The following SYK variants were observed in gnomAD, a reference collection of about 807,000 sequenced individuals.
SYK encodes spleen associated tyrosine kinase, also known as tyrosine-protein kinase SYK.
A neutral mutation model predicts 77.8 loss-of-function variants in SYK; 16 were observed. The observed-to-expected ratio is 0.21, with a 90% CI of 0.14 to 0.31. The LOEUF (loss-of-function observed/expected upper bound fraction) is 0.31. Among genes scored for constraint, SYK ranks in the 10% least tolerant of loss-of-function variants. The pLI, the probability that SYK is intolerant of heterozygous loss-of-function variation, is 1.00. For missense variants in SYK, 529 were observed against 814.4 expected, an observed-to-expected ratio of 0.65 and a Z score of 4.26; for synonymous variants, 312 against 308.7, an observed-to-expected ratio of 1.01 and a Z score of -0.11.
chr9:90,815,591 C>A (rs774502787), intron 1 of SYK, among the ~76,000 whole-genome samples: 5 of 152,274 alleles, frequency 3.3e-5, no homozygotes, highest in Non-Finnish European at 5.9e-5. Context: ...CGCCCCACCA[C>A]CAGCACTCAG....
intron 6 of SYK, 96 bp from the exon 7 acceptor site, chr9:90,867,035 G>T (rs1015326845): frequency 5.0e-6 from 7 of 1,386,486 alleles, no homozygotes; most frequent in African/African-American, 1.4e-5. Flanking sequence ...TTAGTGGTGC[G>T]ATTATAGAAG....
At chr9:90,842,319 G>T (rs575759296) in intron 1 of SYK, among the ~76,000 whole-genome samples, 1 of 151,116 alleles carries the variant, frequency 6.6e-6, no homozygotes, top group African/African-American at 2.4e-5. Context: ...TATGGAGTGT[G>T]TGTGTGTGGT....
chr9:90,820,064 A>G (rs1431969469), intron 1 of SYK, among the ~76,000 whole-genome samples: 1 of 152,250 alleles, frequency 6.6e-6, no homozygotes, highest in Non-Finnish European at 1.5e-5. Context: ...CTTTGACTCC[A>G]GGTCACACAG....
At chr9:90,882,526 T>C (rs1482386740) in intron 11 of SYK, among the ~76,000 whole-genome samples, 1 of 152,250 alleles carries the variant, frequency 6.6e-6, no homozygotes, top group Non-Finnish European at 1.5e-5. Context: ...GAGAGGGTTT[T>C]GCTATGCAGT....
At chr9:90,851,362 G>A (rs1181218752) in intron 3 of SYK, among the ~76,000 whole-genome samples, 1 of 152,200 alleles carries the variant, frequency 6.6e-6, no homozygotes, top group African/African-American at 2.4e-5. Context: ...CTTTGAGAAG[G>A]TAGTTACAGG....
intron 1 of SYK, among the ~76,000 whole-genome samples, chr9:90,843,217 G>A (rs887283098): frequency 1.3e-5 from 2 of 152,172 alleles, no homozygotes; most frequent in African/African-American, 4.8e-5. Flanking sequence ...GCAGTGGCTT[G>A]TTGCTATCAT....
chr9:90,839,360 G>A (rs1826207695), intron 1 of SYK, among the ~76,000 whole-genome samples: 1 of 152,164 alleles, frequency 6.6e-6, no homozygotes, highest in Non-Finnish European at 1.5e-5. Flanking sequence ...AGGGCCATCA[G>A]CCACATCGGT....
intron 5 of SYK, 28 bp downstream of exon 5, chr9:90,864,695 G>T (rs1011429250): frequency 1.3e-6 from 2 of 1,594,064 alleles, no homozygotes; most frequent in Non-Finnish European, 1.7e-6. Context: ...TGGAGTCTCA[G>T]TGTTTGAGGT....
intron 13 of SYK, among the ~76,000 whole-genome samples, chr9:90,893,530 C>CT (rs1828874722): frequency 6.6e-6 from 1 of 152,064 alleles, no homozygotes; most frequent in African/African-American, 2.4e-5. Context: ...GAAATAGTCT[C>CT]ATTAGCACAA....
At chr9:90,855,187 A>G (rs1477839868) in intron 3 of SYK, among the ~76,000 whole-genome samples, 1 of 152,182 alleles carries the variant, frequency 6.6e-6, no homozygotes, top group African/African-American at 2.4e-5. Flanking sequence ...TGTCTTTAGG[A>G]ACTGTCTCAA....
At chr9:90,891,207 G>A (rs1828778302) in intron 13 of SYK, among the ~76,000 whole-genome samples, 1 of 147,634 alleles carries the variant, frequency 6.8e-6, no homozygotes, top group African/African-American at 2.5e-5. Context: ...GTGCAGTGGC[G>A]CGATCTGGGC....
At chr9:90,850,729 T>G (rs1392054210) in intron 3 of SYK, among the ~76,000 whole-genome samples, 1 of 151,160 alleles carries the variant, frequency 6.6e-6, no homozygotes, top group Admixed American at 6.6e-5. Flanking sequence ...TGAGAATCGC[T>G]TTACGTGGAA....
At chr9:90,846,497 C>T (rs1564090976) in intron 3 of SYK, among the ~76,000 whole-genome samples, 2 of 152,278 alleles carry the variant, frequency 1.3e-5, no homozygotes, top group East Asian at 3.9e-4. Context: ...ACTTCACTGT[C>T]ATACCTTGTA....
chr9:90,884,360 T>TATATACAC (rs1828335118), intron 11 of SYK, among the ~76,000 whole-genome samples: 8 of 140,606 alleles, frequency 5.7e-5, no homozygotes, highest in Non-Finnish European at 9.1e-5. Context: ...CATACGTGTA[T>TATATACAC]ACATACATAC....
intron 1 of SYK, among the ~76,000 whole-genome samples, chr9:90,808,641 G>C (rs1283563302): frequency 6.6e-6 from 1 of 152,032 alleles, no homozygotes; most frequent in Non-Finnish European, 1.5e-5. Flanking sequence ...GTATGGCCAT[G>C]CCTTCCCTAT....
chr9:90,863,846 G>A (rs922014253), intron 4 of SYK, among the ~76,000 whole-genome samples: 7 of 152,244 alleles, frequency 4.6e-5, no homozygotes, highest in East Asian at 1.9e-4. Flanking sequence ...TGTGTGTGGC[G>A]TTCTGTCACC....
intron 1 of SYK, among the ~76,000 whole-genome samples, chr9:90,841,825 T>C (rs1042437662): frequency 6.8e-6 from 1 of 148,008 alleles, no homozygotes; most frequent in African/African-American, 2.5e-5. Context: ...ATGTGGTGTG[T>C]ATGTAGTTTG....
chr9:90,812,924 C>T (rs183911837), intron 1 of SYK, among the ~76,000 whole-genome samples: 6 of 152,148 alleles, frequency 3.9e-5, no homozygotes, highest in Admixed American at 3.3e-4. Context: ...GCATTCTCAG[C>T]GTGCAACTGT....
intron 1 of SYK, among the ~76,000 whole-genome samples, chr9:90,812,449 G>A (rs1005518762): frequency 6.6e-6 from 1 of 152,152 alleles, no homozygotes; most frequent in African/African-American, 2.4e-5. Context: ...TGTCACTCAG[G>A]TCCTGAAGCC....
Sources: allele counts gnomAD v4.1 joint callset (sites outside exome capture counted in the v4.1 genomes callset), GRCh38; gene constraint gnomAD v4.1.1; transcripts MANE v1.5; gene names NCBI Gene and HGNC (gene_info 2026-07-23, HGNC 2026-07-21).